The following RNF150 variants were observed in gnomAD, a reference collection of about 807,000 sequenced individuals.
RNF150 encodes the protein ring finger protein 150.
A neutral mutation model predicts 39.3 loss-of-function variants in RNF150; 24 were observed. The ratio of observed to expected loss-of-function variants is 0.61; its 90% CI spans 0.44 to 0.86. The LOEUF is 0.86. RNF150 is among the 40% of genes least tolerant of loss of function. The pLI, the probability that RNF150 is intolerant of heterozygous loss-of-function variation, is 0.00. For missense variants in RNF150, 502 were observed against 587.8 expected (o/e 0.85, Z 1.51); for synonymous variants, 255 against 227.3 (o/e 1.12, Z -1.10).
chr4:141,162,912 G>GTT (rs1727539749), intron 1 of RNF150, among the ~76,000 whole-genome samples: 1 of 152,172 alleles, frequency 6.6e-6, no homozygotes, highest in South Asian at 2.1e-4. Flanking sequence ...CTGCAAGAGT[G>GTT]TTTTTCGTAC....
Position 141,115,275 on chromosome 4 carries a change from AT to A in RNF150, c.484+17049del, listed in dbSNP as rs1249479945. On this transcript the variant is annotated intron_variant, in intron 1 of 6. Transcript: ENST00000515673. Reference sequence around the variant, plus strand: ...CTCAGCCCAAAATCTCCTTAAGCTGATAAGCAACTTCAGCAAAGTCTCAGGA... The same window carrying A: ...CTCAGCCCAAAATCTCCTTAAGCTGAAAGCAACTTCAGCAAAGTCTCAGGA... Among the ~76,000 whole-genome samples the A allele has an allele frequency of 1.2e-4, 18 of 152,362 alleles. 1 individual carries two copies. In the South Asian group the frequency reaches 3.5e-3, roughly 30 times the overall value.
At chr4:141,088,058 G>A (rs996665920) in intron 1 of RNF150, among the ~76,000 whole-genome samples, 1 of 152,150 alleles carries the variant, frequency 6.6e-6, no homozygotes, top group African/African-American at 2.4e-5. Flanking sequence ...CTTACTAGAT[G>A]AGTAAACTAT....
At chr4:141,203,046 T>A (rs1214079563) in intron 1 of RNF150, among the ~76,000 whole-genome samples, 1 of 133,260 alleles carries the variant, frequency 7.5e-6, no homozygotes, top group Admixed American at 8.0e-5. Context: ...TTGGGTGTCC[T>A]CTTGGAGATT....
chr4:140,903,273 G>C (rs1249084638), intron 6 of RNF150, among the ~76,000 whole-genome samples: 3 of 152,120 alleles, frequency 2.0e-5, no homozygotes, highest in Admixed American at 6.5e-5. Flanking sequence ...TGTTCTAATA[G>C]TGACACTTTC....
intron 1 of RNF150, among the ~76,000 whole-genome samples, chr4:141,074,902 A>G (rs1028735916): frequency 6.6e-6 from 1 of 152,206 alleles, no homozygotes; most frequent in South Asian, 2.1e-4. Context: ...CCACCTTCTA[A>G]ATACCATGTG....
chr4:140,921,599 C>A (rs1022392811), intron 5 of RNF150, among the ~76,000 whole-genome samples: 7 of 152,140 alleles, frequency 4.6e-5, no homozygotes, highest in African/African-American at 1.7e-4. Context: ...AAAGAGGGAA[C>A]CCTCCCTAAC....
chr4:141,203,811 G>GT (rs1728331404), intron 1 of RNF150, among the ~76,000 whole-genome samples: 1 of 91,704 alleles, frequency 1.1e-5, no homozygotes, highest in Admixed American at 1.1e-4. Context: ...GTCAGCTCAT[G>GT]TCTTCTTGGC....
At chr4:141,074,871 G>A (rs1373306484) in intron 1 of RNF150, among the ~76,000 whole-genome samples, 2 of 152,200 alleles carry the variant, frequency 1.3e-5, no homozygotes, top group East Asian at 1.9e-4. Context: ...TTAACCTCTT[G>A]CACTGACCTT....
intron 1 of RNF150, among the ~76,000 whole-genome samples, chr4:141,128,087 T>C (rs941370763): frequency 1.3e-5 from 2 of 152,154 alleles, no homozygotes; most frequent in Non-Finnish European, 1.5e-5. Flanking sequence ...CTCTTCAGTA[T>C]GAAAGGGTAA....
chr4:141,125,206 A>C (rs1726717859), intron 1 of RNF150, among the ~76,000 whole-genome samples: 1 of 152,230 alleles, frequency 6.6e-6, no homozygotes, highest in African/African-American at 2.4e-5. Flanking sequence ...TACATTAAAC[A>C]GCCTAGCAAT....
At chr4:141,185,012 A>T (rs1168362619) in intron 1 of RNF150, among the ~76,000 whole-genome samples, 7 of 150,942 alleles carry the variant, frequency 4.6e-5, no homozygotes, top group Non-Finnish European at 4.4e-5. Flanking sequence ...ATACAGGCTC[A>T]TTTTTTTTTG....
Position 141,099,724 on chromosome 4 carries a change from G to C in RNF150, c.484+32601C>G, listed in dbSNP as rs1738937393. On this transcript the variant is annotated intron_variant, in intron 1 of 6. Transcript: ENST00000515673. ...AGATGTCAGTCTGAACACAAGGTTA[G>C]ACCAGGGAGTGATTTGACATGATGG... Among the ~76,000 whole-genome samples the C allele has an allele frequency of 7.2e-5, 11 of 152,064 alleles. No homozygotes were observed. The South Asian group carries it at 2.3e-3, about 31-fold the overall frequency.
At chr4:141,107,826 G>A (rs56288721) in intron 1 of RNF150, among the ~76,000 whole-genome samples, 116,835 of 151,964 alleles carry the variant, frequency 0.77, 45,948 homozygotes, top group East Asian at 0.88. Context: ...CTATTTGAAT[G>A]GCCTCATTTA....
chr4:141,124,332 G>T (rs1392357135), intron 1 of RNF150, among the ~76,000 whole-genome samples: 1 of 152,190 alleles, frequency 6.6e-6, no homozygotes, highest in Non-Finnish European at 1.5e-5. Flanking sequence ...ATGCAGCAGG[G>T]GTGTGCTGGG....
intron 6 of RNF150, among the ~76,000 whole-genome samples, chr4:140,893,109 C>T (rs1332887487): frequency 6.6e-6 from 1 of 152,044 alleles, no homozygotes; most frequent in African/African-American, 2.4e-5. Context: ...GCCACCATGA[C>T]CACCCCCCGG....
rs559940396 is a variant in RNF150, at chr4:141,026,122, G to A, written c.485-58249C>T. ...TAGACTCTCCAGACTTCACAACTGT[G>A]AGAAATAAATTGTTATTCAAGTCAT... On this transcript the variant is annotated intron_variant, in intron 1 of 6. Transcript: ENST00000515673. Among the ~76,000 whole-genome samples, 6 of 152,212 alleles carry A rather than the reference G, an allele frequency of 3.9e-5. No individual in the cohort carries two copies. The South Asian group carries it at 1.2e-3, about 32-fold the overall frequency.
At chr4:141,024,731 A>G (rs565881445) in intron 1 of RNF150, among the ~76,000 whole-genome samples, 1 of 152,128 alleles carries the variant, frequency 6.6e-6, no homozygotes, top group Non-Finnish European at 1.5e-5. Context: ...TAAAATAAGG[A>G]TCATTTATAC....
chr4:141,064,861 TTTTG>T lies in RNF150; in HGVS notation c.484+67460_484+67463del, dbSNP rs1053471114. Among the ~76,000 whole-genome samples the T allele has an allele frequency of 1.8e-4, 28 of 152,056 alleles. 1 individual carries two copies. The East Asian group carries it at 5.0e-3, about 27-fold the overall frequency. On this transcript the variant is annotated intron_variant, in intron 1 of 6. Coordinates refer to ENST00000515673, the MANE Select transcript of RNF150 (RefSeq NM_020724.2). ...GCTACACACTGAACAGCCTGACAAT[TTTTG>T]TTTGTTTGTTTGTTTTTGAGACGGA...
At chr4:140,943,695 C>A (rs758325790) in intron 4 of RNF150, among the ~76,000 whole-genome samples, 1 of 152,162 alleles carries the variant, frequency 6.6e-6, no homozygotes, top group African/African-American at 2.4e-5. Context: ...GTCTTCTCAT[C>A]GCTGGGACTT....
Sources: allele counts gnomAD v4.1 joint callset (sites outside exome capture counted in the v4.1 genomes callset), GRCh38; gene constraint gnomAD v4.1.1; transcripts MANE v1.5; gene names NCBI Gene and HGNC (gene_info 2026-07-23, HGNC 2026-07-21).